The following GPR158 variants were observed in gnomAD, a reference collection of about 807,000 sequenced individuals.
GPR158 encodes the protein metabotropic glycine receptor.
GPR158 carries 30 observed loss-of-function variants against 78.2 expected under a neutral mutation model. The observed-to-expected ratio is 0.38, with a 90% CI of 0.29 to 0.52. GPR158 has a LOEUF of 0.52. GPR158 is among the 20% of genes least tolerant of loss of function. GPR158 has a pLI of 0.83. For synonymous variants in GPR158, 581 were observed against 591.1 expected, an observed-to-expected ratio of 0.98 and a Z score of 0.25; for missense variants, 1,463 against 1,523.5, an observed-to-expected ratio of 0.96 and a Z score of 0.66.
chr10:25,350,127 A>G lies in GPR158; in HGVS notation c.1009-45784A>G, dbSNP rs774354443. Among the ~76,000 whole-genome samples, 138 of 151,940 alleles carry G rather than the reference A, an allele frequency of 9.1e-4. 1 individual carries two copies. Among genetic ancestry groups the G allele is most frequent in the South Asian group, 5.4e-3 (26 of 4,820 alleles). ...AGTGCATCCAGGCCTGGCTGATTAA[A>G]AAAAAAAAGATGAATTAGAATAGAT... On this transcript the variant is annotated intron_variant, in intron 2 of 10. Coordinates refer to ENST00000376351, the MANE Select transcript of GPR158 (RefSeq NM_020752.3).
At chr10:25,267,472 T>G (rs534877780) in intron 2 of GPR158, among the ~76,000 whole-genome samples, 1 of 152,100 alleles carries the variant, frequency 6.6e-6, no homozygotes, top group Non-Finnish European at 1.5e-5. Flanking sequence ...TCCCACGACA[T>G]GTGGGAATTA....
chr10:25,592,478 T>A (rs1034157119), intron 8 of GPR158, among the ~76,000 whole-genome samples: 4 of 152,020 alleles, frequency 2.6e-5, no homozygotes, highest in Non-Finnish European at 5.9e-5. Flanking sequence ...ACCTATGTTT[T>A]AAAAGATGAA....
intron 5 of GPR158, among the ~76,000 whole-genome samples, chr10:25,499,274 C>T (rs542775849): frequency 6.8e-4 from 104 of 152,274 alleles, no homozygotes; most frequent in Non-Finnish European, 1.3e-3. Context: ...AGTGAGAGGA[C>T]AATTTACCTT....
chr10:25,447,949 G>C (rs1311363540), intron 4 of GPR158, among the ~76,000 whole-genome samples: 1 of 152,254 alleles, frequency 6.6e-6, no homozygotes, highest in Admixed American at 6.5e-5. Flanking sequence ...TTGGCAGTCA[G>C]TCCCACACCT....
chr10:25,411,651 G>C (rs939401114), intron 3 of GPR158, among the ~76,000 whole-genome samples: 5 of 151,712 alleles, frequency 3.3e-5, no homozygotes, highest in Admixed American at 1.3e-4. Context: ...AAAAGACTTA[G>C]AAGGCCAGGT....
In GPR158 at chr10:25,301,456, G is replaced by T. The variant is rs866203823; in HGVS notation, c.1008+80299G>T. ...CAGTTCAATGTTCTCTTCCAAAATA[G>T]AGATTTTCAGGAGAAAAGGGATAGA... On this transcript the variant is annotated intron_variant, in intron 2 of 10. Transcript: ENST00000376351. Among the ~76,000 whole-genome samples, 6 of 152,136 alleles carry T rather than the reference G, an allele frequency of 3.9e-5. No individual in the cohort carries two copies. The South Asian group carries it at 8.3e-4, about 21-fold the overall frequency.
At chr10:25,224,038 A>G (rs1357720171) in intron 2 of GPR158, among the ~76,000 whole-genome samples, 1 of 152,186 alleles carries the variant, frequency 6.6e-6, no homozygotes, top group Non-Finnish European at 1.5e-5. Context: ...GGAGCATTTT[A>G]GAAAGGCATG....
chr10:25,351,029 C>G (rs1855452241), intron 2 of GPR158, among the ~76,000 whole-genome samples: 1 of 151,850 alleles, frequency 6.6e-6, no homozygotes, highest in Non-Finnish European at 1.5e-5. Flanking sequence ...AGAAAATAGT[C>G]CACTCTCTCT....
At chr10:25,491,126 C>T (rs1007790616) in intron 5 of GPR158, among the ~76,000 whole-genome samples, 4 of 152,096 alleles carry the variant, frequency 2.6e-5, no homozygotes, top group Admixed American at 6.6e-5. Context: ...CCATATATGG[C>T]GTGTATGTGT....
chr10:25,255,642 G>C (rs1296206011), intron 2 of GPR158, among the ~76,000 whole-genome samples: 1 of 152,176 alleles, frequency 6.6e-6, no homozygotes, highest in Non-Finnish European at 1.5e-5. Context: ...TCAGCTTCTA[G>C]AGGCTGCCCT....
At chr10:25,338,155 A>AT (rs1329221293) in intron 2 of GPR158, among the ~76,000 whole-genome samples, 1 of 151,376 alleles carries the variant, frequency 6.6e-6, no homozygotes. Context: ...TTCCTTTATA[A>AT]TTGTAGTTTC....
In GPR158 at chr10:25,175,319, G is replaced by T; in HGVS notation, c.-102G>T. On this transcript the variant is annotated 5_prime_UTR_variant, in exon 1 of 11. Transcript: ENST00000376351. This position sits in a 1 kb window ranked among gnomAD's most constrained non-coding sequence, Gnocchi z 6.4. Reference sequence around the variant, plus strand: ...GGACTGGGTGCCATCTGGAGAAGGGGGAAGACTCCTCGAAAAAGTCTGACT... The same window carrying T: ...GGACTGGGTGCCATCTGGAGAAGGGTGAAGACTCCTCGAAAAAGTCTGACT... 1.4e-6 allele frequency: 1 copy of T among 694,966 alleles called. No individual in the cohort carries two copies. The highest frequency in any genetic ancestry group is 2.6e-5 in the East Asian group (1 of 37,960). The allele number at this position is 694,966 out of a possible 1,614,324, so 43.0% of individuals were successfully genotyped here. A position where few individuals can be genotyped will look rare whatever the true frequency, so the allele number is the denominator to read the frequency against.
At chr10:25,433,568 TGTGCGC>T (rs1477117745) in intron 4 of GPR158, among the ~76,000 whole-genome samples, 5 of 147,620 alleles carry the variant, frequency 3.4e-5, no homozygotes, top group Non-Finnish European at 7.5e-5. Context: ...TGTGTGTGTG[TGTGCGC>T]GCGCGCGTGC....
intron 5 of GPR158, among the ~76,000 whole-genome samples, chr10:25,547,822 T>C (rs1836682513): frequency 1.3e-5 from 2 of 152,210 alleles, no homozygotes; most frequent in African/African-American, 4.8e-5. Flanking sequence ...AAGTCTCGTC[T>C]TTCTAAGGTA....
intron 2 of GPR158, among the ~76,000 whole-genome samples, chr10:25,253,889 A>G (rs1853851822): frequency 6.6e-6 from 1 of 152,222 alleles, no homozygotes; most frequent in African/African-American, 2.4e-5. Flanking sequence ...TGTAATTAAA[A>G]AACTAATACA....
At chr10:25,592,930 C>T (rs985996089) in intron 8 of GPR158, among the ~76,000 whole-genome samples, 3 of 148,784 alleles carry the variant, frequency 2.0e-5, no homozygotes, top group South Asian at 2.1e-4. Context: ...AAAGCCTGAC[C>T]CAGGAAAACA....
At chr10:25,387,007 C>G (rs971080271) in intron 2 of GPR158, among the ~76,000 whole-genome samples, 2 of 151,994 alleles carry the variant, frequency 1.3e-5, no homozygotes, top group Non-Finnish European at 2.9e-5. Context: ...ACTTACAGTA[C>G]TATGTTTCGT....
intron 1 of GPR158, among the ~76,000 whole-genome samples, chr10:25,202,724 T>C (rs536875116): frequency 6.6e-6 from 1 of 152,358 alleles, no homozygotes; most frequent in East Asian, 1.9e-4. Flanking sequence ...TACGTGTGCA[T>C]GTGCCTTTAT....
At chr10:25,178,106 G>C (rs1852565036) in intron 1 of GPR158, among the ~76,000 whole-genome samples, 1 of 152,160 alleles carries the variant, frequency 6.6e-6, no homozygotes, top group Admixed American at 6.5e-5. Flanking sequence ...TGTGCTAACT[G>C]CTTTGCATGC....
Sources: allele counts gnomAD v4.1 joint callset (sites outside exome capture counted in the v4.1 genomes callset), GRCh38; gene constraint gnomAD v4.1.1; non-coding constraint Gnocchi (gnomAD v3.1); transcripts MANE v1.5; gene names NCBI Gene and HGNC (gene_info 2026-07-23, HGNC 2026-07-21).